Variants in PPIH observed in about 807,000 individuals in gnomAD.
The protein encoded by PPIH is peptidyl-prolyl cis-trans isomerase H.
PPIH carries 16 observed loss-of-function variants against 27.6 expected under a neutral mutation model. That is an observed-to-expected ratio of 0.58 (90% CI 0.39 to 0.88). The LOEUF is 0.88. Among genes scored for constraint, PPIH ranks in the 40% least tolerant of loss-of-function variants. PPIH has a pLI of 0.00. For missense variants in PPIH, 155 were observed against 224.1 expected, an observed-to-expected ratio of 0.69 and a Z score of 1.97; for synonymous variants, 63 against 76.1, an observed-to-expected ratio of 0.83 and a Z score of 0.90.
chr1:42,662,454 T>C (rs911302246), intron 5 of PPIH, among the ~76,000 whole-genome samples: 4 of 151,786 alleles, frequency 2.6e-5, no homozygotes, highest in Non-Finnish European at 4.4e-5. Flanking sequence ...TAGGCTGAGG[T>C]AGGAGGATCC....
chr1:42,660,317 C>T (rs1244816420), intron 4 of PPIH, among the ~76,000 whole-genome samples: 1 of 152,226 alleles, frequency 6.6e-6, no homozygotes, highest in Non-Finnish European at 1.5e-5. Flanking sequence ...GGTACCAGAT[C>T]ATGCACTTGA....
At chr1:42,666,308 C>T (rs1649333933) in intron 7 of PPIH, among the ~76,000 whole-genome samples, 1 of 152,078 alleles carries the variant, frequency 6.6e-6, no homozygotes, top group Non-Finnish European at 1.5e-5. Context: ...GTTGCTAGCA[C>T]CAAAGAAATG....
intron 9 of PPIH, among the ~76,000 whole-genome samples, chr1:42,674,665 T>C (rs541034153): frequency 6.6e-6 from 1 of 152,320 alleles, no homozygotes; most frequent in South Asian, 2.1e-4. Flanking sequence ...CAGAAGATGA[T>C]TCTAGCAGCA....
chr1:42,672,023 A>G (rs564364664), intron 9 of PPIH, among the ~76,000 whole-genome samples: 1 of 151,394 alleles, frequency 6.6e-6, no homozygotes, highest in African/African-American at 2.4e-5. Context: ...AGCTGGGATT[A>G]CAGGTGCCCA....
At chr1:42,675,033 G>C (rs774019139) in intron 9 of PPIH, among the ~76,000 whole-genome samples, 1 of 152,196 alleles carries the variant, frequency 6.6e-6, no homozygotes, top group African/African-American at 2.4e-5. Context: ...GTGTTGGCAA[G>C]ATTTCTAAGG....
intron 6 of PPIH, 80 bp downstream of exon 6, chr1:42,665,035 G>T (rs1649253778): frequency 1.7e-6 from 2 of 1,175,062 alleles, no homozygotes; most frequent in South Asian, 1.3e-5. Context: ...CTGTCTCTTG[G>T]GATGGAAGCA....
chr1:42,659,466 TG>T (rs1557508845), intron 3 of PPIH, 55 bp from the exon 4 acceptor site: 3 of 1,614,176 alleles, frequency 1.9e-6, no homozygotes, highest in Admixed American at 3.3e-5. Context: ...CATGGTAAAC[TG>T]GAAAGGCCTT....
At chr1:42,674,375 T>C (rs1649786872) in intron 9 of PPIH, among the ~76,000 whole-genome samples, 1 of 152,164 alleles carries the variant, frequency 6.6e-6, no homozygotes, top group Non-Finnish European at 1.5e-5. Context: ...CTGCAAATAA[T>C]TCAATATGAC....
At chr1:42,667,488 G>C in intron 9 of PPIH, 48 bp downstream of exon 9, 1 of 1,462,624 alleles carries the variant, frequency 6.8e-7, no homozygotes, top group Non-Finnish European at 9.5e-7. Flanking sequence ...CCTCAGAGAA[G>C]GCAGCATGGT....
chr1:42,661,837 C>CA (rs1649039304), intron 5 of PPIH, among the ~76,000 whole-genome samples: 1 of 150,654 alleles, frequency 6.6e-6, no homozygotes, highest in South Asian at 2.1e-4. Flanking sequence ...TGAAATGGCA[C>CA]AAAAAAATCC....
At chr1:42,664,104 G>T (rs1329224310) in intron 5 of PPIH, among the ~76,000 whole-genome samples, 1 of 152,180 alleles carries the variant, frequency 6.6e-6, no homozygotes, top group Admixed American at 6.5e-5. Context: ...AGCAGAAATT[G>T]GGAGTTTATA....
intron 9 of PPIH, among the ~76,000 whole-genome samples, chr1:42,672,506 T>C (rs1032825083): frequency 1.3e-5 from 2 of 152,340 alleles, no homozygotes; most frequent in Admixed American, 1.3e-4. Context: ...ACTGGACATA[T>C]GCAGTGAAAC....
downstream of PPIH, among the ~76,000 whole-genome samples, chr1:42,680,765 A>G (rs185149212): frequency 9.8e-5 from 15 of 152,330 alleles, no homozygotes; most frequent in Non-Finnish European, 1.6e-4. Context: ...AAATAGTTGA[A>G]AATATGTAAA....
At chr1:42,675,097 T>C (rs1327781746) in intron 9 of PPIH, among the ~76,000 whole-genome samples, 1 of 152,252 alleles carries the variant, frequency 6.6e-6, no homozygotes. Flanking sequence ...TTACTGTTTA[T>C]TTTGAATGAC....
chr1:42,661,183 A>G (rs1648994742), intron 5 of PPIH, among the ~76,000 whole-genome samples: 1 of 152,232 alleles, frequency 6.6e-6, no homozygotes, highest in African/African-American at 2.4e-5. Context: ...AAGAATACCT[A>G]TAGATGATCT....
intron 5 of PPIH, 33 bp from the exon 6 acceptor site, chr1:42,664,830 C>T (rs140725071): frequency 5.9e-5 from 93 of 1,566,724 alleles, no homozygotes; most frequent in Admixed American, 1.3e-4. Flanking sequence ...CCCAACACTC[C>T]AAGTCACTAA....
At chr1:42,668,888 A>C (rs1195713179) in intron 9 of PPIH, among the ~76,000 whole-genome samples, 1 of 152,044 alleles carries the variant, frequency 6.6e-6, no homozygotes, top group Non-Finnish European at 1.5e-5. Flanking sequence ...TTTCCTTCTT[A>C]GTTCATGTAA....
chr1:42,678,351 G>C (rs78620902), downstream of PPIH, among the ~76,000 whole-genome samples: 604 of 152,246 alleles, frequency 4.0e-3, 3 homozygotes, highest in African/African-American at 0.014. Flanking sequence ...TTCAATGCAT[G>C]GTGGTATTAG....
At chr1:42,671,246 T>C (rs1056898644) in intron 9 of PPIH, among the ~76,000 whole-genome samples, 2 of 152,056 alleles carry the variant, frequency 1.3e-5, no homozygotes, top group Non-Finnish European at 2.9e-5. Context: ...CTTGCCGACA[T>C]GGTAAAACCC....
Sources: gnomAD v4.1 joint callset for allele counts (sites outside exome capture counted in the v4.1 genomes callset) on GRCh38, gnomAD v4.1.1 for gene constraint, MANE v1.5 for transcripts, NCBI Gene and HGNC (gene_info 2026-07-23, HGNC 2026-07-21) for gene names.